The following DISP1 variants were observed in gnomAD, a reference collection of about 807,000 sequenced individuals.
The protein encoded by DISP1 is dispatched RND transporter family member 1.
DISP1 carries 30 observed loss-of-function variants against 37.3 expected under a neutral mutation model. The ratio of observed to expected loss-of-function variants is 0.80; its 90% CI spans 0.60 to 1.09. The LOEUF is 1.09. Among genes scored for constraint, DISP1 ranks in the 50% least tolerant of loss-of-function variants. DISP1 has a pLI of 0.00. For missense variants in DISP1, 1,598 were observed against 1,879.5 expected (o/e 0.85, Z 2.77); for synonymous variants, 634 against 690.2 (o/e 0.92, Z 1.28).
intron 1 of DISP1, among the ~76,000 whole-genome samples, chr1:222,915,387 A>G (rs538347684): frequency 2.0e-5 from 3 of 152,344 alleles, no homozygotes; most frequent in Non-Finnish European, 2.9e-5. Context: ...GAAGGAATGA[A>G]TGCTGCATTG....
At position 223,003,592 on chromosome 1, in the gene DISP1, G is replaced by A; in HGVS notation, c.2195G>A (p.Gly732Glu). The A allele has an allele frequency of 4.3e-6, 7 of 1,614,156 alleles. No individual in the cohort carries two copies. The highest frequency in any genetic ancestry group is 5.9e-6 in the Non-Finnish European group (7 of 1,180,034). ...TGGTTCCTTGCCTTAACTGTAGGTG[G>A]GGCCTACATTGTATGTATAAATCCA... ...LFWFLALTVG[G>E]AYIVCINPKM... The change falls in exon 9 of 9, where the codon GGG becomes GAG. Residue 732 changes from glycine to glutamate, a missense_variant. Gly to Glu is a moderately conservative substitution (Grantham distance 98). Coordinates refer to ENST00000675850, the MANE Select transcript of DISP1 (RefSeq NM_001377229.1). The surrounding 1 kb of genome is among the most constrained non-coding windows in gnomAD (Gnocchi z 4.3).
Position 223,003,344 on chromosome 1 carries a change from C to A in DISP1, c.1947C>A (p.Val649=). The A allele has an allele frequency of 6.2e-7, 1 of 1,614,090 alleles. No individual in the cohort carries two copies. The highest frequency in any genetic ancestry group is 8.5e-7 in the Non-Finnish European group (1 of 1,180,044). The change falls in exon 9 of 9, where the codon GTC becomes GTA. Residue 649 remains valine, a synonymous_variant. Coordinates refer to ENST00000675850, the MANE Select transcript of DISP1 (RefSeq NM_001377229.1). This position sits in a 1 kb window ranked among gnomAD's most constrained non-coding sequence, Gnocchi z 4.3. ...TAILVNYVLM[V]TWLPAVVVLH... is the part of the protein sequence containing the mutation. ...TATTGGTGAATTACGTTTTGATGGT[C>A]ACATGGCTTCCAGCAGTTGTTGTGC... is the stretch of plus-strand genomic sequence containing the variant.
At chr1:222,972,057 C>T (rs1676996720) in intron 3 of DISP1, among the ~76,000 whole-genome samples, 1 of 152,012 alleles carries the variant, frequency 6.6e-6, no homozygotes, top group South Asian at 2.1e-4. Flanking sequence ...ACTAACTTCA[C>T]TTCAGTAGAT....
intron 3 of DISP1, among the ~76,000 whole-genome samples, chr1:222,953,728 G>C (rs778052695): frequency 2.6e-5 from 4 of 152,188 alleles, no homozygotes; most frequent in Non-Finnish European, 5.9e-5. Flanking sequence ...TTCCAGGCTT[G>C]CTTGCCAAAG....
chr1:222,833,148 T>C (rs749105330), intron 1 of DISP1, among the ~76,000 whole-genome samples: 1 of 152,072 alleles, frequency 6.6e-6, no homozygotes, highest in Non-Finnish European at 1.5e-5. Context: ...TAGAAACGCA[T>C]ACTGAGTAGG....
chr1:222,865,104 A>T (rs1669112859), intron 1 of DISP1, among the ~76,000 whole-genome samples: 1 of 152,056 alleles, frequency 6.6e-6, no homozygotes, highest in Non-Finnish European at 1.5e-5. Context: ...ATTCAAACTA[A>T]CAACTCCTTG....
chr1:222,859,528 G>A (rs538116366), intron 1 of DISP1, among the ~76,000 whole-genome samples: 4 of 152,102 alleles, frequency 2.6e-5, no homozygotes, highest in Non-Finnish European at 5.9e-5. Flanking sequence ...AGAGATAAGA[G>A]AAGATATTAT....
intron 1 of DISP1, among the ~76,000 whole-genome samples, chr1:222,906,123 A>T (rs545229075): frequency 1.3e-5 from 2 of 152,058 alleles, no homozygotes; most frequent in Non-Finnish European, 2.9e-5. Flanking sequence ...ACTTTTTTTT[A>T]AAAACCTGCC....
chr1:222,821,878 CAAA>C (rs35160286), intron 1 of DISP1, among the ~76,000 whole-genome samples: 69 of 73,592 alleles, frequency 9.4e-4, no homozygotes, highest in African/African-American at 3.5e-3. Context: ...GACTCCATCT[CAAA>C]AAAAAAAAAA....
intron 3 of DISP1, among the ~76,000 whole-genome samples, chr1:222,971,031 G>T (rs1463754260): frequency 6.6e-5 from 10 of 152,010 alleles, no homozygotes; most frequent in Admixed American, 3.9e-4. Flanking sequence ...TTTAAGTTTA[G>T]TTGATTTTTT....
At chr1:222,891,535 A>C (rs1670942051) in intron 1 of DISP1, among the ~76,000 whole-genome samples, 1 of 152,148 alleles carries the variant, frequency 6.6e-6, no homozygotes, top group Non-Finnish European at 1.5e-5. Context: ...ACCTTAAAAA[A>C]CATCCATATT....
At chr1:222,868,860 C>T (rs982168508) in intron 1 of DISP1, among the ~76,000 whole-genome samples, 23 of 152,066 alleles carry the variant, frequency 1.5e-4, no homozygotes, top group African/African-American at 5.3e-4. Flanking sequence ...TTAAAAATTT[C>T]ATTTATTTTA....
intron 1 of DISP1, among the ~76,000 whole-genome samples, chr1:222,873,765 C>T (rs958359828): frequency 6.6e-6 from 1 of 152,060 alleles, no homozygotes; most frequent in Admixed American, 6.5e-5. Context: ...AGCATTTAGC[C>T]CATTTACTTC....
intron 1 of DISP1, among the ~76,000 whole-genome samples, chr1:222,816,099 ATAT>A (rs1558273095): frequency 2.2e-5 from 3 of 136,850 alleles, no homozygotes; most frequent in East Asian, 4.2e-4. Flanking sequence ...ATATATATAT[ATAT>A]AAATATTTGC....
chr1:222,988,255 A>G (rs890355191), intron 4 of DISP1, among the ~76,000 whole-genome samples: 4 of 152,244 alleles, frequency 2.6e-5, no homozygotes, highest in African/African-American at 9.6e-5. Flanking sequence ...AAATAGGGCT[A>G]GGAATTTTTA....
intron 3 of DISP1, among the ~76,000 whole-genome samples, chr1:222,949,785 C>T (rs1169935147): frequency 6.6e-6 from 1 of 152,108 alleles, no homozygotes; most frequent in East Asian, 1.9e-4. Context: ...CACCACCACG[C>T]CCAGCTAATT....
intron 7 of DISP1, 26 bp downstream of exon 7, chr1:222,992,136 C>G (rs374838835): frequency 6.5e-7 from 1 of 1,546,942 alleles, no homozygotes; most frequent in Non-Finnish European, 8.9e-7. Flanking sequence ...GATGAACAAA[C>G]CACTCAGCAG....
chr1:222,835,341 A>G (rs1297536687), intron 1 of DISP1: 2 of 152,204 alleles, frequency 1.3e-5, no homozygotes, highest in African/African-American at 4.8e-5. Context: ...GAACATCCCT[A>G]TTATATCATA....
At chr1:222,888,356 T>C (rs1670752994) in intron 1 of DISP1, among the ~76,000 whole-genome samples, 6 of 152,186 alleles carry the variant, frequency 3.9e-5, no homozygotes, top group Admixed American at 3.9e-4. Context: ...CTACACACAT[T>C]ATATACATTG....
Sources: allele counts gnomAD v4.1 joint callset (sites outside exome capture counted in the v4.1 genomes callset), GRCh38; gene constraint gnomAD v4.1.1; non-coding constraint Gnocchi (gnomAD v3.1); transcripts MANE v1.5; gene names NCBI Gene and HGNC (gene_info 2026-07-23, HGNC 2026-07-21).